The following EXOSC7 variants were observed in gnomAD, a reference collection of about 807,000 sequenced individuals.
The protein encoded by EXOSC7 is exosome component 7, also known as exosome complex component RRP42.
A neutral mutation model predicts 34.3 loss-of-function variants in EXOSC7; 25 were observed. The ratio of observed to expected loss-of-function variants is 0.73; its 90% CI spans 0.53 to 1.02. EXOSC7 has a LOEUF of 1.02. Ranked by LOEUF, EXOSC7 falls within the 50% of genes least tolerant of loss-of-function variation. The pLI is 0.00. For synonymous variants in EXOSC7, 130 were observed against 143.0 expected, an observed-to-expected ratio of 0.91 and a Z score of 0.65; for missense variants, 370 against 368.5, an observed-to-expected ratio of 1.00 and a Z score of -0.03.
intron 1 of EXOSC7, among the ~76,000 whole-genome samples, chr3:44,982,770 C>A (rs531027534): frequency 6.6e-6 from 1 of 152,328 alleles, no homozygotes; most frequent in Non-Finnish European, 1.5e-5. Context: ...TTTACAGACC[C>A]ATGGCACAGA....
At position 45,001,798 on chromosome 3, in the gene EXOSC7, G is replaced by A. The variant is rs531919306; in HGVS notation, c.491+190G>A. On this transcript the variant is annotated intron_variant, in intron 5 of 7. Transcript: ENST00000265564. ...TCGTGAATTAAAACTACATATATAC[G>A]TATATTCTGTATTTATTTTTTGTAT... 9.4e-4 allele frequency: 455 copies of A among 485,942 alleles called. 2 individuals carry two copies. Among genetic ancestry groups the A allele is most frequent in the Middle Eastern group, 5.8e-3 (15 of 2,582 alleles). 30.1% of individuals were successfully genotyped at this position (485,942 alleles called of 1,614,324 possible). A position where few individuals can be genotyped will look rare whatever the true frequency, so the allele number is the denominator to read the frequency against.
chr3:44,988,454 T>G (rs1179638861), intron 1 of EXOSC7, among the ~76,000 whole-genome samples: 1 of 152,206 alleles, frequency 6.6e-6, no homozygotes, highest in Non-Finnish European at 1.5e-5. Context: ...GTCAGCAAAC[T>G]TCCTGTAAAG....
At chr3:44,997,886 C>T (rs73829701) in intron 4 of EXOSC7, among the ~76,000 whole-genome samples, 1,621 of 152,284 alleles carry the variant, frequency 0.011, 39 homozygotes, top group African/African-American at 0.037. Flanking sequence ...GCCCTGCCTC[C>T]TCCCACACAG....
At chr3:44,989,359 C>A in intron 2 of EXOSC7, 118 bp downstream of exon 2, 1 of 904,024 alleles carries the variant, frequency 1.1e-6, no homozygotes, top group Non-Finnish European at 1.7e-6. Context: ...ATCGAAGATC[C>A]GAGCCAAACT....
intron 3 of EXOSC7, among the ~76,000 whole-genome samples, chr3:44,993,429 A>T (rs1424945785): frequency 7.9e-5 from 12 of 151,986 alleles, no homozygotes. Flanking sequence ...GTAAGACTTC[A>T]TAGATTTGTA....
chr3:44,996,140 C>T (rs1576015118), intron 3 of EXOSC7, among the ~76,000 whole-genome samples: 1 of 152,174 alleles, frequency 6.6e-6, no homozygotes, highest in African/African-American at 2.4e-5. Flanking sequence ...GGGTGCCTTC[C>T]AGATGGGCAA....
chr3:44,997,613 T>G lies in EXOSC7; in HGVS notation c.420+361T>G, dbSNP rs1274274692. Reference sequence around the variant, plus strand: ...GGTACATTCTGTGTGGAAGGATGATTAGCTCTTTACATGCATTTTCATTTA... The same window carrying G: ...GGTACATTCTGTGTGGAAGGATGATGAGCTCTTTACATGCATTTTCATTTA... On this transcript the variant is annotated intron_variant, in intron 4 of 7. Transcript: ENST00000265564. Among the ~76,000 whole-genome samples the G allele has an allele frequency of 2.0e-5, 3 of 152,210 alleles. No individual in the cohort carries two copies. The East Asian group carries it at 5.8e-4, about 29-fold the overall frequency.
chr3:45,006,164 G>A (rs563255757), intron 6 of EXOSC7, among the ~76,000 whole-genome samples: 23 of 125,046 alleles, frequency 1.8e-4, no homozygotes, highest in African/African-American at 6.3e-4. Context: ...TGCAACCTCC[G>A]CCTCCCAGGT....
intron 4 of EXOSC7, among the ~76,000 whole-genome samples, chr3:45,001,263 G>A (rs1706870397): frequency 6.6e-6 from 1 of 152,058 alleles, no homozygotes; most frequent in African/African-American, 2.4e-5. Flanking sequence ...GACCAGCCTG[G>A]CCAACATGGT....
intron 1 of EXOSC7, among the ~76,000 whole-genome samples, chr3:44,982,798 A>T (rs902454748): frequency 4.6e-5 from 7 of 152,186 alleles, no homozygotes; most frequent in African/African-American, 1.7e-4. Flanking sequence ...ATGCCCAGAC[A>T]CTGCAGGATG....
Position 45,001,614 on chromosome 3 carries a change from T to A in EXOSC7, c.491+6T>A. 2 of 1,607,304 alleles carry A rather than the reference T, an allele frequency of 1.2e-6. No individual in the cohort carries two copies. Among genetic ancestry groups the A allele is most frequent in the Non-Finnish European group, 1.7e-6 (2 of 1,173,854 alleles). On this transcript the variant is annotated splice_donor_region_variant and intron_variant, in intron 5 of 7. Coordinates refer to ENST00000265564, the MANE Select transcript of EXOSC7 (RefSeq NM_015004.4). ...GCTGCTCTCTTCAATACAAGGTAAG[T>A]CTTCCTAGAAACAGCTCTGCGAACC...
chr3:44,992,325 G>C (rs1242622021), intron 3 of EXOSC7, among the ~76,000 whole-genome samples: 1 of 152,226 alleles, frequency 6.6e-6, no homozygotes, highest in Non-Finnish European at 1.5e-5. Context: ...AGTCTAGTTT[G>C]ATTTAACTTC....
At chr3:45,008,829 T>A (rs1707127295) in intron 7 of EXOSC7, among the ~76,000 whole-genome samples, 1 of 152,248 alleles carries the variant, frequency 6.6e-6, no homozygotes. Flanking sequence ...CCAGGAGAGT[T>A]TATGAGAATT....
At chr3:44,993,079 T>C (rs1361996751) in intron 3 of EXOSC7, among the ~76,000 whole-genome samples, 1 of 152,136 alleles carries the variant, frequency 6.6e-6, no homozygotes, top group Non-Finnish European at 1.5e-5. Flanking sequence ...ACACTGTTCC[T>C]GGCTGAGGGG....
At chr3:45,001,457 A>T (rs1174675188) in intron 4 of EXOSC7, 81 bp from the exon 5 acceptor site, 9 of 995,282 alleles carry the variant, frequency 9.0e-6, no homozygotes, top group Non-Finnish European at 1.3e-5. Flanking sequence ...AAAAAAAAGC[A>T]GTGTCCTTTA....
chr3:44,995,646 C>G (rs1706700415), intron 3 of EXOSC7, among the ~76,000 whole-genome samples: 1 of 152,206 alleles, frequency 6.6e-6, no homozygotes, highest in African/African-American at 2.4e-5. Context: ...TTTCTTGGCT[C>G]AGTGCCTGAG....
chr3:44,994,753 T>C (rs1247708093), intron 3 of EXOSC7, among the ~76,000 whole-genome samples: 1 of 151,906 alleles, frequency 6.6e-6, no homozygotes, highest in Non-Finnish European at 1.5e-5. Context: ...CTCCCCAGAG[T>C]CACTGCACAG....
Position 45,011,282 on chromosome 3 carries a change from T to C in EXOSC7, c.819T>C (p.Val273=). The C allele has an allele frequency of 1.2e-6, 2 of 1,613,680 alleles. No individual in the cohort carries two copies. Among genetic ancestry groups the C allele is most frequent in the Non-Finnish European group, 1.7e-6 (2 of 1,179,846 alleles). ...GKVLHASLQS[V]VHKEESLGPK... is the part of the protein sequence containing the mutation. ...TACTGCATGCCTCCTTGCAGAGTGT[T>C]GTGCACAAGGAAGAAAGCCTGGGGC... The change falls in exon 8 of 8, where the codon GTT becomes GTC. Residue 273 remains valine (V), a synonymous_variant. Transcript: ENST00000265564.
intron 4 of EXOSC7, among the ~76,000 whole-genome samples, chr3:44,997,986 C>T (rs1453260079): frequency 1.3e-5 from 2 of 151,964 alleles, no homozygotes; most frequent in African/African-American, 4.8e-5. Context: ...CAGGTTTTGG[C>T]ACTCGACAGT....
Sources: gnomAD v4.1 joint callset for allele counts (sites outside exome capture counted in the v4.1 genomes callset) on GRCh38, gnomAD v4.1.1 for gene constraint, MANE v1.5 for transcripts, NCBI Gene and HGNC (gene_info 2026-07-23, HGNC 2026-07-21) for gene names.